GATM: variants seen among roughly 807,000 people sequenced by gnomAD.
GATM encodes glycine amidinotransferase.
GATM carries 23 observed loss-of-function variants against 54.2 expected under a neutral mutation model. That is an observed-to-expected ratio of 0.42 (90% CI 0.31 to 0.60). The LOEUF is 0.60. Among genes scored for constraint, GATM ranks in the 20% least tolerant of loss-of-function variants. The pLI is 0.14. For missense variants in GATM, 401 were observed against 544.9 expected (o/e 0.74, Z 2.63); for synonymous variants, 168 against 183.1 (o/e 0.92, Z 0.67).
Position 45,366,421 on chromosome 15 carries a change from C to G in GATM, c.763G>C (p.Ala255Pro). Residue 255 changes from alanine (A) to proline (P), a missense_variant, in exon 5 of 9, where the codon GCT becomes CCT. Physicochemically the swap from Ala to Pro is conservative, Grantham distance 27. Coordinates refer to ENST00000396659, the MANE Select transcript of GATM (RefSeq NM_001482.3). The part of the protein sequence containing the change: ...VTTEFEPCFD[A>P]ADFIRAGRDI... Reference sequence around the variant, plus strand: ...CTTCCAGCTCGAATGAAGTCAGCAGCATCAAAGCATGGCTCAAACTCAGTT... The same window carrying G: ...CTTCCAGCTCGAATGAAGTCAGCAGGATCAAAGCATGGCTCAAACTCAGTT... 6.2e-7 allele frequency: 1 copy of G among 1,614,158 alleles called. No homozygotes were observed. Among genetic ancestry groups the G allele is most frequent in the Non-Finnish European group, 8.5e-7 (1 of 1,180,030 alleles).
At position 45,368,269 on chromosome 15, in the gene GATM, C is replaced by G. The variant is rs1285522835; in HGVS notation, c.485-9G>C. On this transcript the variant is annotated splice_polypyrimidine_tract_variant and intron_variant, in intron 3 of 8. Transcript: ENST00000396659. This position sits in a 1 kb window ranked among gnomAD's most constrained non-coding sequence, Gnocchi z 5.1. ...CATTGCACTGTATAAACCTGTCAGA[C>G]CAAAAAATTCCATGACAACTTCAGT... is the stretch of plus-strand genomic sequence containing the variant. 6.2e-7 allele frequency: 1 copy of G among 1,612,646 alleles called. No individual in the cohort carries two copies. The highest frequency in any genetic ancestry group is 1.7e-5 in the Admixed American group (1 of 59,940).
Position 45,368,924 on chromosome 15 carries a change from A to C in GATM, c.484+402T>G, listed in dbSNP as rs1028152617. On this transcript the variant is annotated intron_variant, in intron 3 of 8. Coordinates refer to ENST00000396659, the MANE Select transcript of GATM (RefSeq NM_001482.3). This position sits in a 1 kb window ranked among gnomAD's most constrained non-coding sequence, Gnocchi z 5.1. ...GTATCACAAGATAAAAATTGAGCCA[A>C]GGATCAATCTAAAACTAGAAATTAG... Among the ~76,000 whole-genome samples the C allele has an allele frequency of 5.9e-5, 9 of 152,194 alleles. No homozygotes were observed. Among genetic ancestry groups the C allele is most frequent in the African/African-American group, 2.2e-4 (9 of 41,446 alleles).
intron 2 of GATM, among the ~76,000 whole-genome samples, chr15:45,370,413 A>G (rs928198865): frequency 5.9e-5 from 9 of 151,988 alleles, no homozygotes; most frequent in African/African-American, 1.9e-4. Flanking sequence ...AAAAGAAAAA[A>G]AAAAACATTA....
chr15:45,399,189 C>T (rs768321857), intron 2 of GATM, among the ~76,000 whole-genome samples: 1 of 152,116 alleles, frequency 6.6e-6, no homozygotes, highest in South Asian at 2.1e-4. Context: ...TGGATTTTGA[C>T]CTACCACTAA....
chr15:45,373,720 A>G (rs1009543549), intron 2 of GATM, among the ~76,000 whole-genome samples: 5 of 152,070 alleles, frequency 3.3e-5, no homozygotes, highest in African/African-American at 4.8e-5. Flanking sequence ...ATTGTTCCCA[A>G]ACTGATTAAT....
At chr15:45,391,725 A>G (rs1889875581) in intron 3 of GATM, among the ~76,000 whole-genome samples, 1 of 152,260 alleles carries the variant, frequency 6.6e-6, no homozygotes, top group East Asian at 1.9e-4. Flanking sequence ...ACTGAGTAAC[A>G]AATTTATATT....
intron 8 of GATM, 63 bp from the exon 9 acceptor site, chr15:45,362,284 T>A: frequency 9.9e-7 from 1 of 1,012,676 alleles, no homozygotes; most frequent in Non-Finnish European, 1.6e-6. Flanking sequence ...ATAGAGAAAG[T>A]AGGCCTACAG....
At chr15:45,364,961 GCTGTCTTC>G in intron 6 of GATM, 101 bp from the exon 7 acceptor site, 1 of 960,918 alleles carries the variant, frequency 1.0e-6, no homozygotes, top group Non-Finnish European at 1.6e-6. Flanking sequence ...TCTTTGAGAA[GCTGTCTTC>G]TCAGCTTCCA....
chr15:45,364,733 G>A, intron 7 of GATM, 64 bp downstream of exon 7: 1 of 1,447,434 alleles, frequency 6.9e-7, no homozygotes, highest in Non-Finnish European at 9.7e-7. Flanking sequence ...GCTCTCTATA[G>A]GAGAAAGATC....
chr15:45,402,010 C>G (rs1890022465), exon 1 of GATM: 1 of 168,994 alleles, frequency 5.9e-6, no homozygotes, highest in Non-Finnish European at 1.3e-5. Flanking sequence ...CACAAAATAG[C>G]AAAGTCTCTA....
intron 2 of GATM, chr15:45,397,362 A>G (rs1889946603): frequency 6.6e-6 from 1 of 152,086 alleles, no homozygotes; most frequent in Admixed American, 6.5e-5. Context: ...TGGAGCTTTC[A>G]GCCCCTACCT....
chr15:45,397,860 T>G (rs1190452084), intron 2 of GATM, among the ~76,000 whole-genome samples: 1 of 152,150 alleles, frequency 6.6e-6, no homozygotes, highest in Non-Finnish European at 1.5e-5. Context: ...AGTCTCAGCA[T>G]TGAATTGAAT....
chr15:45,376,887 G>A (rs1325464786), intron 1 of GATM, 68 bp from the exon 2 acceptor site: 1 of 1,417,500 alleles, frequency 7.1e-7, no homozygotes, highest in Non-Finnish European at 9.7e-7. Flanking sequence ...AGGAGGAAGT[G>A]GAGATGGAGT....
upstream of GATM, chr15:45,379,772 G>C (rs1889708734): frequency 6.6e-6 from 1 of 152,252 alleles, no homozygotes; most frequent in African/African-American, 2.4e-5. Flanking sequence ...CGGATTGCCT[G>C]AGGTCAGGAG....
At chr15:45,378,612 T>C (rs550226905), upstream of GATM, 14 of 524,736 alleles carry the variant, frequency 2.7e-5, no homozygotes, top group Middle Eastern at 5.3e-4. Context: ...CGCGGCCCCA[T>C]TGGCTGCCGG....
At chr15:45,390,114 A>G (rs935384148) in intron 3 of GATM, among the ~76,000 whole-genome samples, 5 of 152,138 alleles carry the variant, frequency 3.3e-5, no homozygotes, top group African/African-American at 1.2e-4. Context: ...AGCCTCCCAA[A>G]GTGCTGGGAT....
exon 1 of GATM, chr15:45,402,195 G>A: frequency 1.8e-6 from 1 of 558,970 alleles, no homozygotes; most frequent in Non-Finnish European, 3.0e-6. Context: ...TCTCGGGAAA[G>A]CTCTGGGTTA....
chr15:45,373,731 A>G (rs1319946007), intron 2 of GATM, among the ~76,000 whole-genome samples: 2 of 152,142 alleles, frequency 1.3e-5, no homozygotes, highest in Admixed American at 6.5e-5. Context: ...ACTGATTAAT[A>G]TATGTGTCAT....
intron 5 of GATM, 52 bp from the exon 6 acceptor site, chr15:45,366,262 GAAAACTA>G: frequency 6.2e-7 from 1 of 1,610,176 alleles, no homozygotes; most frequent in Non-Finnish European, 8.5e-7. Flanking sequence ...TCTATGTCTA[GAAAACTA>G]AAAATATTCA....
Sources: gnomAD v4.1 joint callset for allele counts (sites outside exome capture counted in the v4.1 genomes callset) on GRCh38, gnomAD v4.1.1 for gene constraint, Gnocchi (gnomAD v3.1) non-coding constraint, MANE v1.5 for transcripts, NCBI Gene and HGNC (gene_info 2026-07-23, HGNC 2026-07-21) for gene names.